The following PTPN3 variants were observed in gnomAD, a reference collection of about 807,000 sequenced individuals.
The protein encoded by PTPN3 is protein tyrosine phosphatase non-receptor type 3, also known as tyrosine-protein phosphatase non-receptor type 3.
In PTPN3, 96 loss-of-function variants were observed where a neutral mutation model predicts 132.7. The observed-to-expected ratio is 0.72, with a 90% confidence interval of 0.61 to 0.86. PTPN3 has a LOEUF of 0.86. Among genes scored for constraint, PTPN3 ranks in the 40% least tolerant of loss-of-function variants. The pLI is 0.00. For synonymous variants in PTPN3, 398 were observed against 429.0 expected (o/e 0.93, Z 0.89); for missense variants, 1,125 against 1,159.6 (o/e 0.97, Z 0.43).
chr9:109,405,401 G>A (rs920607206), intron 18 of PTPN3, among the ~76,000 whole-genome samples: 5 of 152,176 alleles, frequency 3.3e-5, no homozygotes, highest in Admixed American at 6.5e-5. Flanking sequence ...AGGCAGAGAC[G>A]CAGGGCTTTG....
chr9:109,534,344 T>A, the PTPN3 span: 1 of 1,511,386 alleles, frequency 6.6e-7, no homozygotes, highest in South Asian at 1.2e-5. Context: ...GTTGTGGTGA[T>A]GGTGACTGGG....
At chr9:109,453,974 C>T (rs1845424177) in intron 5 of PTPN3, among the ~76,000 whole-genome samples, 1 of 152,052 alleles carries the variant, frequency 6.6e-6, no homozygotes. Context: ...AAGCTCGCAC[C>T]TCTGCGCTCC....
intron 1 of PTPN3, among the ~76,000 whole-genome samples, chr9:109,469,302 C>G (rs1846253896): frequency 6.6e-6 from 1 of 152,196 alleles, no homozygotes; most frequent in Non-Finnish European, 1.5e-5. Context: ...AATGACAGAG[C>G]AAACCCAACT....
chr9:109,475,685 T>G (rs938334083), intron 1 of PTPN3, among the ~76,000 whole-genome samples: 1 of 152,208 alleles, frequency 6.6e-6, no homozygotes. Flanking sequence ...GTCCACGATA[T>G]TTCTATCTTA....
intron 7 of PTPN3, among the ~76,000 whole-genome samples, chr9:109,444,497 G>A (rs768500601): frequency 6.6e-6 from 1 of 152,038 alleles, no homozygotes; most frequent in African/African-American, 2.4e-5. Context: ...GAGATGTACC[G>A]TCAGTGTAAA....
chr9:109,503,266 G>T (rs1847881710), upstream of PTPN3, among the ~76,000 whole-genome samples: 1 of 152,158 alleles, frequency 6.6e-6, no homozygotes, highest in Non-Finnish European at 1.5e-5. Context: ...GGAGCGAGAA[G>T]GTGGTCAGCC....
chr9:109,535,927 A>G, the PTPN3 span, among the ~76,000 whole-genome samples: 6 of 152,176 alleles, frequency 3.9e-5, no homozygotes, highest in African/African-American at 1.4e-4. Flanking sequence ...CATTTAGTAC[A>G]TTTACAATGT....
At chr9:109,487,280 G>C (rs1668593861) in intron 1 of PTPN3, among the ~76,000 whole-genome samples, 1 of 152,252 alleles carries the variant, frequency 6.6e-6, no homozygotes, top group Non-Finnish European at 1.5e-5. Context: ...TGAGATATGA[G>C]AACCTGCCTC....
intron 8 of PTPN3, among the ~76,000 whole-genome samples, chr9:109,437,717 G>A (rs1351504171): frequency 6.6e-6 from 1 of 152,102 alleles, no homozygotes; most frequent in Middle Eastern, 3.2e-3. Flanking sequence ...GGTCAGCACT[G>A]TACGTCCATC....
chr9:109,531,080 A>G, the PTPN3 span, among the ~76,000 whole-genome samples: 1 of 152,180 alleles, frequency 6.6e-6, no homozygotes, highest in African/African-American at 2.4e-5. Flanking sequence ...GACAAAGCCC[A>G]ATTTGTCTAT....
chr9:109,532,944 GTTTTTTTTTTTTTTTTT>G, the PTPN3 span: 23 of 306,498 alleles, frequency 7.5e-5, no homozygotes, highest in South Asian at 3.8e-4. Flanking sequence ...TCTTTTCTGG[GTTTTTTTTTTTTTTTTT>G]TTTTTTTTTT....
At chr9:109,514,581 C>A in the PTPN3 span, among the ~76,000 whole-genome samples, 1 of 152,164 alleles carries the variant, frequency 6.6e-6, no homozygotes, top group African/African-American at 2.4e-5. Flanking sequence ...AGCAAAATAG[C>A]GTCATTGATA....
Position 109,378,102 on chromosome 9 carries a change from G to A in PTPN3, c.*1454C>T, listed in dbSNP as rs978016089. On this transcript the variant is annotated 3_prime_UTR_variant, in exon 26 of 26. Coordinates refer to ENST00000374541, the MANE Select transcript of PTPN3 (RefSeq NM_002829.4). ...ACCAGCAAACTATTCAATTGGCACC[G>A]AATTTGCTGAATATCAAAATGGCTT... is the stretch of plus-strand genomic sequence containing the variant. 8.5e-5 allele frequency: 13 copies of A among 152,148 alleles called. No individual in the cohort carries two copies. In the East Asian group the frequency reaches 9.6e-4, roughly 11 times the overall value. The allele number at this position is 152,148 out of a possible 1,614,324, so 9.4% of individuals were successfully genotyped here. A position where few individuals can be genotyped will look rare whatever the true frequency, so the allele number is the denominator to read the frequency against.
At chr9:109,422,692 C>CAAAA (rs111591001) in intron 13 of PTPN3, 26 bp downstream of exon 13, 21 of 1,443,410 alleles carry the variant, frequency 1.5e-5, no homozygotes, top group African/African-American at 6.4e-5. Context: ...TTGGGTAGTA[C>CAAAA]AAAAAAAAAA....
At chr9:109,417,136 A>G (rs1196362362) in intron 14 of PTPN3, among the ~76,000 whole-genome samples, 1 of 152,206 alleles carries the variant, frequency 6.6e-6, no homozygotes, top group Non-Finnish European at 1.5e-5. Flanking sequence ...GAACCTTGGG[A>G]GCAACAAAAG....
chr9:109,391,341 T>C (rs958379162), intron 20 of PTPN3, 130 bp downstream of exon 20: 1 of 1,269,822 alleles, frequency 7.9e-7, no homozygotes, highest in South Asian at 1.4e-5. Flanking sequence ...GAGTCTGAAA[T>C]GGCTGCAATA....
At chr9:109,482,778 A>C (rs1336074704) in intron 1 of PTPN3, among the ~76,000 whole-genome samples, 1 of 152,170 alleles carries the variant, frequency 6.6e-6, no homozygotes, top group Non-Finnish European at 1.5e-5. Context: ...AACCAGCTCC[A>C]GTGCTGGGCT....
At chr9:109,405,568 G>A (rs1284854556) in intron 18 of PTPN3, among the ~76,000 whole-genome samples, 1 of 152,168 alleles carries the variant, frequency 6.6e-6, no homozygotes, top group Non-Finnish European at 1.5e-5. Context: ...AGCAATGCAG[G>A]TACTTTCCAG....
intron 1 of PTPN3, among the ~76,000 whole-genome samples, chr9:109,473,781 T>C (rs1484999447): frequency 6.6e-6 from 1 of 152,180 alleles, no homozygotes; most frequent in Non-Finnish European, 1.5e-5. Context: ...CTAAATATAG[T>C]GCTCCCCAGG....
Sources: allele counts gnomAD v4.1 joint callset (sites outside exome capture counted in the v4.1 genomes callset), GRCh38; gene constraint gnomAD v4.1.1; transcripts MANE v1.5; gene names NCBI Gene and HGNC (gene_info 2026-07-23, HGNC 2026-07-21).